HECW2: variants seen among roughly 807,000 people sequenced by gnomAD.
HECW2 encodes the protein HECT, C2 and WW domain containing E3 ubiquitin protein ligase 2, also known as E3 ubiquitin-protein ligase HECW2.
In HECW2, 61 loss-of-function variants were observed where a neutral mutation model predicts 175.2. The observed-to-expected ratio is 0.35, with a 90% CI of 0.28 to 0.43. The LOEUF (loss-of-function observed/expected upper bound fraction) is 0.43, where lower values mean the gene tolerates loss of function less well. Ranked by LOEUF, HECW2 falls within the 20% of genes least tolerant of loss-of-function variation. The pLI is 1.00. For synonymous variants in HECW2, 671 were observed against 731.0 expected, an observed-to-expected ratio of 0.92 and a Z score of 1.32; for missense variants, 1,524 against 2,000.5, an observed-to-expected ratio of 0.76 and a Z score of 4.54.
intron 21 of HECW2, 156 bp downstream of exon 21, chr2:196,240,293 A>T: frequency 2.4e-6 from 1 of 424,174 alleles, no homozygotes; most frequent in Admixed American, 4.3e-5. Context: ...GCCAGAGGAG[A>T]CCTTTAAAAA....
intron 1 of HECW2, among the ~76,000 whole-genome samples, chr2:196,589,919 A>G (rs1691124257): frequency 6.6e-6 from 1 of 152,234 alleles, no homozygotes; most frequent in African/African-American, 2.4e-5. Context: ...CTTAAGAATA[A>G]AACTATTTTA....
At chr2:196,240,407 C>T (rs1454963833) in intron 21 of HECW2, 42 bp downstream of exon 21, 2 of 1,394,960 alleles carry the variant, frequency 1.4e-6, no homozygotes, top group African/African-American at 1.5e-5. Context: ...CGCCTTGTGG[C>T]CACAGCCTAT....
intron 22 of HECW2, among the ~76,000 whole-genome samples, chr2:196,227,341 T>C (rs1687886848): frequency 1.3e-5 from 2 of 152,186 alleles, no homozygotes; most frequent in Admixed American, 1.3e-4. Context: ...ATATTTGAAG[T>C]GTATAAATGC....
chr2:196,360,290 C>G (rs1441211127), intron 2 of HECW2, among the ~76,000 whole-genome samples: 3 of 152,224 alleles, frequency 2.0e-5, no homozygotes, highest in Admixed American at 1.3e-4. Flanking sequence ...GACATGGAAT[C>G]AACCTAAATG....
chr2:196,346,576 A>C (rs1363891264), intron 2 of HECW2, among the ~76,000 whole-genome samples: 1 of 152,238 alleles, frequency 6.6e-6, no homozygotes, highest in African/African-American at 2.4e-5. Context: ...CTTTCTTCCC[A>C]GACCCTTTAC....
intron 10 of HECW2, chr2:196,317,046 CA>C (rs1432596457): frequency 4.2e-6 from 2 of 471,512 alleles, no homozygotes; most frequent in Non-Finnish European, 7.7e-6. Flanking sequence ...TTATTTACCC[CA>C]TGGGCAACAC....
At chr2:196,254,056 G>A in intron 18 of HECW2, 27 bp from the exon 19 acceptor site, 1 of 1,611,178 alleles carries the variant, frequency 6.2e-7, no homozygotes, top group Non-Finnish European at 8.5e-7. Context: ...AACAAAACGG[G>A]CACTTCAGCC....
chr2:196,477,799 C>G (rs1008286568), intron 1 of HECW2, among the ~76,000 whole-genome samples: 2 of 152,166 alleles, frequency 1.3e-5, no homozygotes, highest in Non-Finnish European at 2.9e-5. Flanking sequence ...CACCTGTAAT[C>G]CCAGCATTTT....
rs528735811 is a variant in HECW2, at chr2:196,340,325, G to T, written c.400+3332C>A. ...TTAAAAATGACATCCAGCCGGGCAC[G>T]GTGGCTCACGTCTGTAATCTCAGCA... On this transcript the variant is annotated intron_variant, in intron 3 of 28. Transcript: ENST00000644978. Among the ~76,000 whole-genome samples the T allele has an allele frequency of 2.0e-5, 3 of 152,184 alleles. No homozygotes were observed. The East Asian group carries it at 5.8e-4, about 29-fold the overall frequency.
intron 1 of HECW2, among the ~76,000 whole-genome samples, chr2:196,457,128 C>A (rs1034881872): frequency 2.0e-5 from 3 of 152,168 alleles, no homozygotes; most frequent in African/African-American, 7.2e-5. Context: ...ATATGAAATT[C>A]TATATGTTGA....
intron 1 of HECW2, among the ~76,000 whole-genome samples, chr2:196,453,248 A>G (rs1469555132): frequency 1.3e-5 from 2 of 152,186 alleles, no homozygotes; most frequent in Admixed American, 6.5e-5. Context: ...CTTCTTTTAC[A>G]TCATATCAGT....
intron 21 of HECW2, among the ~76,000 whole-genome samples, chr2:196,235,397 GC>G (rs1178626438): frequency 2.0e-5 from 3 of 151,912 alleles, no homozygotes; most frequent in African/African-American, 7.3e-5. Flanking sequence ...ACCACGCCTG[GC>G]CTTATTTTTG....
intron 17 of HECW2, among the ~76,000 whole-genome samples, chr2:196,266,382 A>T (rs767005554): frequency 6.6e-5 from 10 of 152,058 alleles, no homozygotes; most frequent in Non-Finnish European, 1.3e-4. Context: ...TTAAAAATTC[A>T]ATAATTATCC....
chr2:196,529,442 C>A (rs536491590), intron 1 of HECW2, among the ~76,000 whole-genome samples: 17 of 152,204 alleles, frequency 1.1e-4, no homozygotes, highest in African/African-American at 4.1e-4. Flanking sequence ...TTTGTGATCT[C>A]GGGCAAGTCA....
intron 2 of HECW2, among the ~76,000 whole-genome samples, chr2:196,349,270 C>T (rs1468207463): frequency 2.0e-5 from 3 of 152,160 alleles, no homozygotes; most frequent in Admixed American, 6.5e-5. Context: ...ATTAAAGTGT[C>T]TGTTTTTTTG....
At chr2:196,211,811 C>T (rs746181739) in intron 28 of HECW2, among the ~76,000 whole-genome samples, 7 of 152,088 alleles carry the variant, frequency 4.6e-5, no homozygotes, top group Non-Finnish European at 1.0e-4. Context: ...CTCCCATGCC[C>T]GACACAAGAC....
intron 2 of HECW2, among the ~76,000 whole-genome samples, chr2:196,375,641 A>G (rs1384559849): frequency 2.0e-5 from 3 of 152,222 alleles, no homozygotes; most frequent in Non-Finnish European, 4.4e-5. Context: ...ATTGATTATT[A>G]GTGGGAACAC....
At chr2:196,491,501 TACACACAC>T (rs56806806) in intron 1 of HECW2, among the ~76,000 whole-genome samples, 17 of 125,976 alleles carry the variant, frequency 1.3e-4, no homozygotes, top group Non-Finnish European at 2.5e-4. Flanking sequence ...TATATATATA[TACACACAC>T]ACACACACAC....
intron 1 of HECW2, among the ~76,000 whole-genome samples, chr2:196,530,130 T>G (rs1056734276): frequency 6.6e-6 from 1 of 152,214 alleles, no homozygotes; most frequent in Non-Finnish European, 1.5e-5. Context: ...TGCAACTGAA[T>G]AGACTTGTCC....
Sources: gnomAD v4.1 joint callset for allele counts (sites outside exome capture counted in the v4.1 genomes callset) on GRCh38, gnomAD v4.1.1 for gene constraint, MANE v1.5 for transcripts, NCBI Gene and HGNC (gene_info 2026-07-23, HGNC 2026-07-21) for gene names.